TTC3: variants seen among roughly 807,000 people sequenced by gnomAD.
TTC3 encodes the protein tetratricopeptide repeat domain 3.
In TTC3, 180 loss-of-function variants were observed where a neutral mutation model predicts 249.6. That is an observed-to-expected ratio of 0.72 (90% CI 0.64 to 0.82). TTC3 has a LOEUF of 0.82. TTC3 is among the 40% of genes least tolerant of loss of function. TTC3 has a pLI of 0.00. For synonymous variants in TTC3, 717 were observed against 805.0 expected, an observed-to-expected ratio of 0.89 and a Z score of 1.85; for missense variants, 2,061 against 2,398.4, an observed-to-expected ratio of 0.86 and a Z score of 2.94.
At chr21:37,184,549 T>C (rs2083055010) in intron 36 of TTC3, among the ~76,000 whole-genome samples, 1 of 151,714 alleles carries the variant, frequency 6.6e-6, no homozygotes, top group Non-Finnish European at 1.5e-5. Flanking sequence ...CTGCCTCCCA[T>C]GTTCAAGCAA....
At chr21:37,075,867 A>C (rs1482467486) in intron 1 of TTC3, among the ~76,000 whole-genome samples, 1 of 152,206 alleles carries the variant, frequency 6.6e-6, no homozygotes, top group Non-Finnish European at 1.5e-5. Flanking sequence ...AGGTGATTTA[A>C]TTAAAAGTAT....
In TTC3 at chr21:37,201,532, G is replaced by A; in HGVS notation, c.6036G>A (p.Trp2012Ter). 3 of 1,614,008 alleles carry A rather than the reference G, an allele frequency of 1.9e-6. No homozygotes were observed. Among genetic ancestry groups the A allele is most frequent in the Non-Finnish European group, 2.5e-6 (3 of 1,180,048 alleles). ...AAGAGTCACCTTCTGGAAGAGGCTG[G>A]CCCAGTCAGAATCAGGAGCTGCCTT... is the stretch of plus-strand genomic sequence containing the variant. Residue 2012 changes from tryptophan (W) to a stop codon, truncating the protein, a stop_gained, in exon 46 of 46, where the codon TGG (tryptophan) becomes TGA (stop). Transcript: ENST00000355666. LOFTEE classifies it low-confidence loss of function (END_TRUNC).
rs561015139 is a variant in TTC3 at position 37,176,279 on chromosome 21, A to G, written c.4617+3535A>G. ...TATACAATTTAGTGGTTTTTTGAAT[A>G]TTCACATTATTGTGTAACCATTACC... On this transcript the variant is annotated intron_variant, in intron 35 of 45. Transcript: ENST00000355666. Among the ~76,000 whole-genome samples, 19 of 152,328 alleles carry G rather than the reference A, an allele frequency of 1.2e-4. No individual in the cohort carries two copies. The East Asian group carries it at 2.9e-3, about 23-fold the overall frequency.
chr21:37,128,338 C>T (rs900557782), intron 15 of TTC3, among the ~76,000 whole-genome samples: 1 of 152,208 alleles, frequency 6.6e-6, no homozygotes, highest in Non-Finnish European at 1.5e-5. Context: ...TAAATCTGGG[C>T]TCACAGAGCT....
At chr21:37,198,491 A>T (rs1046898756) in intron 44 of TTC3, among the ~76,000 whole-genome samples, 1 of 152,160 alleles carries the variant, frequency 6.6e-6, no homozygotes, top group African/African-American at 2.4e-5. Context: ...TTGCCTGGAG[A>T]AGAGGGTTCT....
At chr21:37,075,306 C>A (rs67678658) in intron 1 of TTC3, among the ~76,000 whole-genome samples, 2 of 151,910 alleles carry the variant, frequency 1.3e-5, no homozygotes, top group Non-Finnish European at 2.9e-5. Flanking sequence ...TTATACATTC[C>A]CCTGTTGATA....
chr21:37,077,208 A>G (rs2071014252), intron 1 of TTC3, among the ~76,000 whole-genome samples: 1 of 151,932 alleles, frequency 6.6e-6, no homozygotes, highest in South Asian at 2.1e-4. Flanking sequence ...TGTTACTGTG[A>G]TGTTCTAGAA....
rs559598272 is a variant in TTC3 at position 37,155,019 on chromosome 21, G to A, written c.2741-1636G>A. On this transcript the variant is annotated intron_variant, in intron 27 of 45. Transcript: ENST00000355666. ...CGATATAATCCATGTTTATTCTGTA[G>A]ATTAAAGGTATCATTTTAATAAGGA... Among the ~76,000 whole-genome samples the A allele has an allele frequency of 1.5e-3, 223 of 152,268 alleles. 2 individuals are homozygous for A. Among genetic ancestry groups the A allele is most frequent in the African/African-American group, 4.9e-3 (204 of 41,550 alleles).
intron 15 of TTC3, 122 bp from the exon 16 acceptor site, chr21:37,128,881 C>T (rs1367899417): frequency 3.5e-6 from 2 of 578,634 alleles, no homozygotes; most frequent in Non-Finnish European, 5.6e-6. Flanking sequence ...TGTAGTTACA[C>T]CCACGTACCA....
At chr21:37,138,858 T>C (rs1034892374) in intron 19 of TTC3, 144 bp downstream of exon 19, 3 of 503,636 alleles carry the variant, frequency 6.0e-6, no homozygotes, top group Admixed American at 7.9e-5. Flanking sequence ...AGTTTGTGTT[T>C]TTAAAGAATA....
intron 27 of TTC3, among the ~76,000 whole-genome samples, 173 bp from the exon 28 acceptor site, chr21:37,156,482 G>C (rs1452503044): frequency 6.6e-6 from 1 of 152,176 alleles, no homozygotes; most frequent in African/African-American, 2.4e-5. Context: ...AATGTTAAAT[G>C]GTGTTTCTAA....
In TTC3 at chr21:37,122,621, G is replaced by A. The variant is rs150782825; in HGVS notation, c.1064-362G>A. ...TTTCCTGCTTTTTCTTCTTCGGGTT[G>A]TACAAAGCTGAGCTGAACAGCTCTG... On this transcript the variant is annotated intron_variant, in intron 12 of 45. Transcript: ENST00000355666. Among the ~76,000 whole-genome samples, 21 of 151,632 alleles carry A rather than the reference G, an allele frequency of 1.4e-4. 1 individual carries two copies. The East Asian group carries it at 4.1e-3, about 29-fold the overall frequency.
At chr21:37,155,105 GTTAA>G (rs1176017571) in intron 27 of TTC3, among the ~76,000 whole-genome samples, 2 of 152,190 alleles carry the variant, frequency 1.3e-5, no homozygotes, top group Non-Finnish European at 2.9e-5. Flanking sequence ...GTTCAAGCAT[GTTAA>G]TTAGTAAGGC....
At chr21:37,160,651 C>G in intron 29 of TTC3, 151 bp from the exon 30 acceptor site, 1 of 717,366 alleles carries the variant, frequency 1.4e-6, no homozygotes, top group Admixed American at 3.2e-5. Context: ...AATCGTAGCA[C>G]TTGGGCTGAT....
chr21:37,124,765 G>GT lies in TTC3; in HGVS notation c.1233+30dup, dbSNP rs3831441. On this transcript the variant is annotated intron_variant, in intron 14 of 45. Transcript: ENST00000355666. ...AAGGTAAGCTCCATTGAAAACTACA[G>GT]TTTTTTTCAAGGATAGATAGTCTCA... 0.02 allele frequency: 32,763 copies of GT among 1,602,328 alleles called. 2,825 individuals carry two copies. The African/African-American group carries it at 0.23, about 11-fold the overall frequency.
At chr21:37,200,139 C>T (rs889254387) in intron 44 of TTC3, 93 bp from the exon 45 acceptor site, 4 of 1,146,592 alleles carry the variant, frequency 3.5e-6, no homozygotes, top group Middle Eastern at 2.0e-4. Context: ...CCCTTTGTGG[C>T]AGAAGATGTT....
At position 37,133,271 on chromosome 21, in the gene TTC3, A is replaced by G. The variant is rs539412324; in HGVS notation, c.1443+505A>G. Among the ~76,000 whole-genome samples the G allele has an allele frequency of 2.3e-4, 35 of 152,332 alleles. 1 individual carries two copies. In the East Asian group the frequency reaches 6.7e-3, roughly 29 times the overall value. ...TTAATCAGATAATGTTGTATATAAA[A>G]TTCTTTTTACGTTACTTCATGATGG... On this transcript the variant is annotated intron_variant, in intron 17 of 45. Coordinates refer to ENST00000355666, the Ensembl canonical transcript of TTC3.
intron 11 of TTC3, among the ~76,000 whole-genome samples, chr21:37,116,011 AT>A (rs1341910782): frequency 6.6e-6 from 1 of 152,170 alleles, no homozygotes; most frequent in African/African-American, 2.4e-5. Flanking sequence ...AATACATTAT[AT>A]CTACTGTTTG....
In TTC3 at chr21:37,088,960, A is replaced by G. The variant is rs569130805; in HGVS notation, c.426+74A>G. ...AAGCATTTATATGGTGTTAGGCTCAAATGACTAATTTATAGCAATTAACAG... is the reference window on the plus strand; with the variant it reads ...AAGCATTTATATGGTGTTAGGCTCAGATGACTAATTTATAGCAATTAACAG... On this transcript the variant is annotated intron_variant, in intron 5 of 45. Coordinates refer to ENST00000355666, the Ensembl canonical transcript of TTC3. 6.0e-6 allele frequency: 8 copies of G among 1,343,624 alleles called. No homozygotes were observed. In the East Asian group the frequency reaches 1.4e-4, roughly 24 times the overall value. 83.2% of individuals were successfully genotyped at this position (1,343,624 alleles called of 1,614,324 possible).
Sources: allele counts gnomAD v4.1 joint callset (sites outside exome capture counted in the v4.1 genomes callset), GRCh38; gene constraint gnomAD v4.1.1; transcripts MANE v1.5; gene names NCBI Gene and HGNC (gene_info 2026-07-23, HGNC 2026-07-21).